NMUR2: variants seen among roughly 807,000 people sequenced by gnomAD.
NMUR2 encodes neuromedin U receptor 2.
Under a neutral mutation model 25.1 loss-of-function variants are expected in NMUR2, and 24 were observed. That is an observed-to-expected ratio of 0.96 (90% CI 0.69 to 1.34). The LOEUF (loss-of-function observed/expected upper bound fraction) is 1.34, where lower values mean the gene tolerates loss of function less well. Ranked by LOEUF, NMUR2 falls within the 40% of genes most tolerant of loss-of-function variation. The probability of loss-of-function intolerance (pLI) is 0.00; values close to 1 mark genes in which losing one functional copy is unlikely to be tolerated. For synonymous variants in NMUR2, 218 were observed against 208.1 expected (o/e 1.05, Z -0.41); for missense variants, 533 against 512.8 (o/e 1.04, Z -0.38).
intron 2 of NMUR2, among the ~76,000 whole-genome samples, chr5:152,397,012 G>GTTTTTT (rs769998163): frequency 0.011 from 1,194 of 105,610 alleles, 91 homozygotes; most frequent in Non-Finnish European, 0.017. Context: ...TGAGCTTCAT[G>GTTTTTT]TTTTTTTTTT....
At chr5:152,403,491 G>T (rs1561699162) in intron 1 of NMUR2, among the ~76,000 whole-genome samples, 1 of 151,856 alleles carries the variant, frequency 6.6e-6, no homozygotes, top group African/African-American at 2.4e-5. Flanking sequence ...CCCCCCTTCT[G>T]AAAAAGAAAT....
chr5:152,399,780 A>G (rs1452294511), intron 1 of NMUR2, among the ~76,000 whole-genome samples: 1 of 152,160 alleles, frequency 6.6e-6, no homozygotes, highest in African/African-American at 2.4e-5. Flanking sequence ...GGAGTCTCTC[A>G]TTGGCAGTGT....
chr5:152,402,244 C>CA (rs532162536), intron 1 of NMUR2, among the ~76,000 whole-genome samples: 303 of 152,030 alleles, frequency 2.0e-3, no homozygotes, highest in African/African-American at 6.6e-3. Context: ...GTTAGAAAGG[C>CA]AAAAGGGGGA....
At chr5:152,394,677 CT>C (rs1753118298) in intron 3 of NMUR2, among the ~76,000 whole-genome samples, 1 of 152,174 alleles carries the variant, frequency 6.6e-6, no homozygotes, top group Non-Finnish European at 1.5e-5. Flanking sequence ...ATCATTTCTT[CT>C]TGTGGAAGGG....
chr5:152,402,762 G>A lies in NMUR2; in HGVS notation c.726+1626C>T, dbSNP rs183041465. Among the ~76,000 whole-genome samples, 4 of 152,300 alleles carry A rather than the reference G, an allele frequency of 2.6e-5. No homozygotes were observed. In the East Asian group the frequency reaches 5.8e-4, roughly 22 times the overall value. On this transcript the variant is annotated intron_variant, in intron 1 of 3. Transcript: ENST00000255262. ...AAGTCTTTTCCCCGCAGTGAGATGT[G>A]CAGGACGTTCTTAAGACATGGCTGT...
chr5:152,394,817 A>T (rs968087050), intron 3 of NMUR2, among the ~76,000 whole-genome samples: 1 of 147,152 alleles, frequency 6.8e-6, no homozygotes, highest in Non-Finnish European at 1.5e-5. Flanking sequence ...GCTCCTTACC[A>T]TCAGTCCATG....
intron 2 of NMUR2, 113 bp downstream of exon 2, chr5:152,397,947 T>TA: frequency 1.4e-6 from 1 of 695,570 alleles, no homozygotes; most frequent in African/African-American, 1.8e-5. Flanking sequence ...CTCTCATAAA[T>TA]ACTCTGTTTC....
At chr5:152,394,137 T>TCAAAACAATTGATTTGACA in intron 3 of NMUR2, among the ~76,000 whole-genome samples, 1 of 152,184 alleles carries the variant, frequency 6.6e-6, no homozygotes, top group Non-Finnish European at 1.5e-5. Context: ...CAGAGAATTG[T>TCAAAACAATTGATTTGACA]AGTCAATTAG....
At chr5:152,397,293 T>C (rs1304327772) in intron 2 of NMUR2, among the ~76,000 whole-genome samples, 3 of 152,186 alleles carry the variant, frequency 2.0e-5, no homozygotes, top group African/African-American at 4.8e-5. Flanking sequence ...AAATGTATTA[T>C]AAATCTCCTT....
At chr5:152,404,290 C>T (rs1753308937) in intron 1 of NMUR2, 98 bp downstream of exon 1, 1 of 1,409,888 alleles carries the variant, frequency 7.1e-7, no homozygotes, top group East Asian at 2.3e-5. Context: ...TGTTCCCTTC[C>T]ATTTCTGAAT....
At chr5:152,402,806 A>G (rs1430327548) in intron 1 of NMUR2, among the ~76,000 whole-genome samples, 2 of 152,284 alleles carry the variant, frequency 1.3e-5, no homozygotes, top group East Asian at 1.9e-4. Context: ...GCGGGGTGGG[A>G]CATGTCTCTG....
Position 152,398,111 on chromosome 5 carries a change from CT to C in NMUR2, c.759del (p.Asn255MetfsTer21). 1 of 1,613,296 alleles carries C rather than the reference CT, an allele frequency of 6.2e-7. No homozygotes were observed. Among genetic ancestry groups the C allele is most frequent in the Non-Finnish European group, 8.5e-7 (1 of 1,179,542 alleles). On this transcript the variant is annotated frameshift_variant, in exon 2 of 4. Coordinates refer to ENST00000255262, the MANE Select transcript of NMUR2 (RefSeq NM_020167.5). LOFTEE classifies it high-confidence loss of function. ...LKKDKSLEADEGNANIQRPCR... is the reference protein window; with the variant it reads ...LKKDKSLEADXGNANIQRPCR... Reference sequence around the variant, plus strand: ...CAGGGTCTTTGAATATTTGCATTCCCTTCATCTGCCTCAAGAGATTTGTCTT... The same window carrying C: ...CAGGGTCTTTGAATATTTGCATTCCCTCATCTGCCTCAAGAGATTTGTCTT...
chr5:152,393,384 G>T lies in NMUR2; in HGVS notation c.938-883C>A, dbSNP rs185193714. Among the ~76,000 whole-genome samples the T allele has an allele frequency of 2.6e-3, 398 of 152,228 alleles. 2 individuals are homozygous for T. The highest frequency in any genetic ancestry group is 9.2e-3 in the African/African-American group (384 of 41,546). Reference sequence around the variant, plus strand: ...AAGTGATGGGTAATATTGCCAAAAGGTTCCTTGTTGTCCTTATTTATGTGG... The same window carrying T: ...AAGTGATGGGTAATATTGCCAAAAGTTTCCTTGTTGTCCTTATTTATGTGG... On this transcript the variant is annotated intron_variant, in intron 3 of 3. Transcript: ENST00000255262.
rs200145877 is a variant in NMUR2 at position 152,404,696 on chromosome 5, C to A, written c.418G>T (p.Val140Phe). The change falls in exon 1 of 4, where the codon GTC becomes TTC. Residue 140 changes from valine (V) to phenylalanine (F), a missense_variant. Physicochemically the swap from Val to Phe is conservative, Grantham distance 50. Transcript: ENST00000255262. ...ATGGCCACGTAGCGCTCCACGCTGA[C>A]GGTGGTGATGCTGAGGATGGAGGCG... Reference protein sequence around the residue: ...CFASILSITTVSVERYVAILH... With the variant: ...CFASILSITTFSVERYVAILH... 22 of 1,614,074 alleles carry A rather than the reference C, an allele frequency of 1.4e-5. No homozygotes were observed. In the East Asian group the frequency reaches 4.7e-4, roughly 34 times the overall value.
At chr5:152,396,997 A>G (rs368562832) in intron 2 of NMUR2, among the ~76,000 whole-genome samples, 9 of 130,024 alleles carry the variant, frequency 6.9e-5, no homozygotes, top group East Asian at 4.0e-4. Context: ...TGACTTTAAT[A>G]TGAGTGAGCT....
At chr5:152,396,947 C>T (rs1051336638) in intron 2 of NMUR2, among the ~76,000 whole-genome samples, 1 of 151,076 alleles carries the variant, frequency 6.6e-6, no homozygotes, top group African/African-American at 2.4e-5. Context: ...AAGTTGAACC[C>T]CATCCCAACG....
At position 152,404,575 on chromosome 5, in the gene NMUR2, G is replaced by A; in HGVS notation, c.539C>T (p.Pro180Leu). ...CTTGATGCCATGGATGCTGGTGTTG[G>A]GCAGGGAGAAGAGCACGGAGAAGCC... The part of the protein sequence containing the change: ...VWGFSVLFSL[P>L]NTSIHGIKFH... The change falls in exon 1 of 4, where the codon CCC becomes CTC. Residue 180 changes from proline (P) to leucine (L), a missense_variant. Physicochemically the swap from Pro to Leu is moderately conservative, Grantham distance 98 (BLOSUM62 -3). Coordinates refer to ENST00000255262, the MANE Select transcript of NMUR2 (RefSeq NM_020167.5). The A allele has an allele frequency of 6.2e-7, 1 of 1,614,156 alleles. No homozygotes were observed. Among genetic ancestry groups the A allele is most frequent in the Non-Finnish European group, 8.5e-7 (1 of 1,180,034 alleles).
At chr5:152,403,210 A>T (rs1753289099) in intron 1 of NMUR2, among the ~76,000 whole-genome samples, 1 of 152,128 alleles carries the variant, frequency 6.6e-6, no homozygotes, top group Non-Finnish European at 1.5e-5. Context: ...ATCTGATGTG[A>T]CCTTTTCATT....
In NMUR2 at chr5:152,395,398, TGAA is replaced by T. The variant is rs1580886745; in HGVS notation, c.937+58_937+60del. The stretch of plus-strand genomic sequence containing the variant: ...GGAGTACTTAGGCATCTAAGCAAGA[TGAA>T]GAAGAAGGTGCTGTTACCTGAATAC... On this transcript the variant is annotated intron_variant, in intron 3 of 3. Coordinates refer to ENST00000255262, the MANE Select transcript of NMUR2 (RefSeq NM_020167.5). 14 of 1,597,972 alleles carry T rather than the reference TGAA, an allele frequency of 8.8e-6. No homozygotes were observed. In the East Asian group the frequency reaches 1.1e-4, roughly 13 times the overall value.
Sources: gnomAD v4.1 joint callset for allele counts (sites outside exome capture counted in the v4.1 genomes callset) on GRCh38, gnomAD v4.1.1 for gene constraint, MANE v1.5 for transcripts, NCBI Gene and HGNC (gene_info 2026-07-23, HGNC 2026-07-21) for gene names.